Variants in GRM7 observed in about 807,000 individuals in gnomAD.
GRM7 encodes metabotropic glutamate receptor 7.
GRM7 carries 35 observed loss-of-function variants against 84.5 expected under a neutral mutation model. The ratio of observed to expected loss-of-function variants is 0.41; its 90% CI spans 0.32 to 0.55. The LOEUF (loss-of-function observed/expected upper bound fraction) is 0.55, where lower values mean the gene tolerates loss of function less well. Ranked by LOEUF, GRM7 falls within the 20% of genes least tolerant of loss-of-function variation. The pLI is 0.19. For synonymous variants in GRM7, 487 were observed against 455.1 expected, an observed-to-expected ratio of 1.07 and a Z score of -0.89; for missense variants, 1,003 against 1,194.6, an observed-to-expected ratio of 0.84 and a Z score of 2.36.
At chr3:7,173,040 G>T (rs1224918668) in intron 2 of GRM7, among the ~76,000 whole-genome samples, 1 of 151,868 alleles carries the variant, frequency 6.6e-6, no homozygotes, top group East Asian at 1.9e-4. Flanking sequence ...AGTCTTATAG[G>T]GTAAGTACTA....
At chr3:7,579,570 C>A (rs983851536) in intron 8 of GRM7, among the ~76,000 whole-genome samples, 1 of 151,996 alleles carries the variant, frequency 6.6e-6, no homozygotes, top group Non-Finnish European at 1.5e-5. Flanking sequence ...CCAGATGTAG[C>A]CTTTTCAAAT....
At chr3:6,889,457 G>T (rs1695843309) in intron 1 of GRM7, among the ~76,000 whole-genome samples, 2 of 151,380 alleles carry the variant, frequency 1.3e-5, no homozygotes, top group Non-Finnish European at 3.0e-5. Flanking sequence ...GTTGAATTTT[G>T]TCAAAGGCCT....
intron 7 of GRM7, among the ~76,000 whole-genome samples, chr3:7,512,638 T>G (rs921905490): frequency 6.6e-6 from 1 of 151,624 alleles, no homozygotes; most frequent in Non-Finnish European, 1.5e-5. Context: ...TTTGAGAGAT[T>G]GGTGCAAAAG....
chr3:7,678,553 G>T (rs1309996001), intron 8 of GRM7, among the ~76,000 whole-genome samples: 3 of 152,096 alleles, frequency 2.0e-5, no homozygotes, highest in East Asian at 1.9e-4. Flanking sequence ...AAGTCTAAAG[G>T]TATGCTAGTA....
intron 1 of GRM7, among the ~76,000 whole-genome samples, chr3:7,112,299 A>C (rs1183880411): frequency 6.6e-6 from 1 of 151,248 alleles, no homozygotes; most frequent in East Asian, 2.0e-4. Flanking sequence ...ATCTCAGCTC[A>C]CTACAACCTC....
chr3:6,893,929 C>G (rs1696069338), intron 1 of GRM7: 1 of 152,128 alleles, frequency 6.6e-6, no homozygotes, highest in South Asian at 2.1e-4. Context: ...CCTAATATCA[C>G]TCCTTTAGCA....
At position 7,683,288 on chromosome 3, in the gene GRM7, A is replaced by G. The variant is rs374109694; in HGVS notation, c.2698+2993A>G. 5.3e-5 allele frequency among the ~76,000 whole-genome samples: 8 copies of G among 152,292 alleles called. No homozygotes were observed. In the East Asian group the frequency reaches 1.2e-3, roughly 22 times the overall value. On this transcript the variant is annotated intron_variant, in intron 9 of 9. Coordinates refer to ENST00000357716, the MANE Select transcript of GRM7 (RefSeq NM_000844.4). Reference sequence around the variant, plus strand: ...TGATTAATTTAAAAATTGTATTCCAATGATTTCATTTGGTATCTCTTTCCT... The same window carrying G: ...TGATTAATTTAAAAATTGTATTCCAGTGATTTCATTTGGTATCTCTTTCCT...
chr3:6,891,733 G>A (rs916156832), intron 1 of GRM7, among the ~76,000 whole-genome samples: 2 of 152,130 alleles, frequency 1.3e-5, no homozygotes, highest in Non-Finnish European at 2.9e-5. Flanking sequence ...TTCTCGAGGA[G>A]TATCTTTGTG....
chr3:7,428,016 A>C (rs1696681381), intron 5 of GRM7, among the ~76,000 whole-genome samples: 1 of 152,226 alleles, frequency 6.6e-6, no homozygotes, highest in Non-Finnish European at 1.5e-5. Flanking sequence ...AATGATGTGC[A>C]AAACATTTAG....
At chr3:7,499,977 T>C (rs1327180210) in intron 7 of GRM7, among the ~76,000 whole-genome samples, 4 of 152,158 alleles carry the variant, frequency 2.6e-5, no homozygotes, top group Admixed American at 2.6e-4. Flanking sequence ...GGTTTCACCG[T>C]GTTAGCCAGA....
chr3:7,354,063 C>G (rs1055649777), intron 4 of GRM7, among the ~76,000 whole-genome samples: 1 of 149,814 alleles, frequency 6.7e-6, no homozygotes, highest in African/African-American at 2.5e-5. Context: ...AGCTTATAGA[C>G]CCAGAATCCC....
intron 1 of GRM7, among the ~76,000 whole-genome samples, chr3:7,141,486 G>A (rs1255876717): frequency 6.6e-6 from 1 of 151,920 alleles, no homozygotes; most frequent in Non-Finnish European, 1.5e-5. Context: ...ATAAAATGTT[G>A]TAAATATTTA....
intron 2 of GRM7, among the ~76,000 whole-genome samples, chr3:7,169,038 A>G (rs1027910569): frequency 1.3e-5 from 2 of 152,198 alleles, no homozygotes; most frequent in African/African-American, 4.8e-5. Context: ...CTGTTCATAA[A>G]CCGTAAAGTC....
At chr3:7,306,691 T>A in intron 4 of GRM7, 39 bp downstream of exon 4, 1 of 1,521,508 alleles carries the variant, frequency 6.6e-7, no homozygotes, top group Non-Finnish European at 8.9e-7. Flanking sequence ...TGAGAGAAGT[T>A]CTGGTGCCAT....
rs150540198 is a variant in GRM7 at position 7,474,332 on chromosome 3, C to A, written c.1515+12610C>A. On this transcript the variant is annotated intron_variant, in intron 7 of 9. Coordinates refer to ENST00000357716, the MANE Select transcript of GRM7 (RefSeq NM_000844.4). ...ATTACCGTAGCTGGAATCCCCTACCCTATACCCTGTCCTCTCAAGTAGACC... is the reference window on the plus strand; with the variant it reads ...ATTACCGTAGCTGGAATCCCCTACCATATACCCTGTCCTCTCAAGTAGACC... Among the ~76,000 whole-genome samples the A allele has an allele frequency of 6.6e-5, 10 of 152,134 alleles. No individual in the cohort carries two copies. The East Asian group carries it at 1.9e-3, about 29-fold the overall frequency.
intron 4 of GRM7, among the ~76,000 whole-genome samples, chr3:7,313,159 C>A (rs1378888675): frequency 6.6e-6 from 1 of 151,970 alleles, no homozygotes; most frequent in African/African-American, 2.4e-5. Context: ...AAACTCCTGA[C>A]CTCAGGCAAT....
In GRM7 at chr3:6,990,135, C is replaced by T. The variant is rs572100815; in HGVS notation, c.519+128228C>T. ...AGGGGCTCCCTGTGGATGTTAGAGA[C>T]AGGCAGCCCTTCCCAATTTCCCCCT... On this transcript the variant is annotated intron_variant, in intron 1 of 9. Transcript: ENST00000357716. Among the ~76,000 whole-genome samples, 9 of 152,328 alleles carry T rather than the reference C, an allele frequency of 5.9e-5. 1 individual carries two copies. The South Asian group carries it at 1.9e-3, about 32-fold the overall frequency.
intron 9 of GRM7, among the ~76,000 whole-genome samples, chr3:7,732,804 A>C (rs1183247533): frequency 1.3e-5 from 2 of 152,220 alleles, no homozygotes; most frequent in Non-Finnish European, 2.9e-5. Flanking sequence ...AGAAGAAAGA[A>C]TTCAGGGTTA....
intron 8 of GRM7, among the ~76,000 whole-genome samples, chr3:7,646,494 C>G (rs1200082279): frequency 1.3e-5 from 2 of 152,116 alleles, no homozygotes; most frequent in Admixed American, 6.6e-5. Flanking sequence ...GCCCCGCTGA[C>G]CACAGTCAAT....
Sources: gnomAD v4.1 joint callset for allele counts (sites outside exome capture counted in the v4.1 genomes callset) on GRCh38, gnomAD v4.1.1 for gene constraint, MANE v1.5 for transcripts, NCBI Gene and HGNC (gene_info 2026-07-23, HGNC 2026-07-21) for gene names.